PITPNA: variants seen among roughly 807,000 people sequenced by gnomAD.
PITPNA encodes phosphatidylinositol transfer protein alpha, also known as phosphatidylinositol transfer protein alpha isoform.
PITPNA carries 13 observed loss-of-function variants against 50.3 expected under a neutral mutation model. That is an observed-to-expected ratio of 0.26 (90% confidence interval 0.17 to 0.41). The LOEUF is 0.41. PITPNA is among the 10% of genes least tolerant of loss of function. The probability of loss-of-function intolerance (pLI) is 1.00; values close to 1 mark genes in which losing one functional copy is unlikely to be tolerated. For synonymous variants in PITPNA, 120 were observed against 119.6 expected (o/e 1.00, Z -0.02); for missense variants, 207 against 333.4 (o/e 0.62, Z 2.95).
intron 10 of PITPNA, among the ~76,000 whole-genome samples, chr17:1,525,499 G>A (rs1446701718): frequency 6.8e-6 from 1 of 147,554 alleles, no homozygotes; most frequent in African/African-American, 2.5e-5. Context: ...TTCTCCACTG[G>A]GAAACTTTTT....
At chr17:1,560,247 G>A (rs932696880) in intron 1 of PITPNA, among the ~76,000 whole-genome samples, 1 of 152,170 alleles carries the variant, frequency 6.6e-6, no homozygotes, top group Non-Finnish European at 1.5e-5. Context: ...AAACCACTTC[G>A]GCAGCAATAG....
At position 1,517,993 on chromosome 17, in the gene PITPNA, G is replaced by T. The variant is rs1056616584; in HGVS notation, c.*2568C>A. 2 of 152,610 alleles carry T rather than the reference G, an allele frequency of 1.3e-5. No homozygotes were observed. The highest frequency in any genetic ancestry group is 4.8e-5 in the African/African-American group (2 of 41,450). 9.5% of individuals were successfully genotyped at this position (152,610 alleles called of 1,614,324 possible). A position where few individuals can be genotyped will look rare whatever the true frequency, so the allele number is the denominator to read the frequency against. Reference sequence around the variant, plus strand: ...ACCAAACTGGACTCCAGAAAGTTCTGTCTAGGATTTTATTAGACTGCTTTT... The same window carrying T: ...ACCAAACTGGACTCCAGAAAGTTCTTTCTAGGATTTTATTAGACTGCTTTT... On this transcript the variant is annotated 3_prime_UTR_variant, in exon 12 of 12. Coordinates refer to ENST00000313486, the MANE Select transcript of PITPNA (RefSeq NM_006224.4).
At chr17:1,552,956 A>G in intron 3 of PITPNA, 48 bp downstream of exon 3, 2 of 1,573,838 alleles carry the variant, frequency 1.3e-6, no homozygotes, top group Non-Finnish European at 1.7e-6. Flanking sequence ...ACACTCATTC[A>G]CACACACACA....
intron 5 of PITPNA, 56 bp downstream of exon 5, chr17:1,542,957 ACATTTTT>A: frequency 7.6e-7 from 1 of 1,312,226 alleles, no homozygotes; most frequent in Non-Finnish European, 1.1e-6. Flanking sequence ...CAGTGCAGTT[ACATTTTT>A]CTCTCTCCTG....
At chr17:1,547,285 G>A (rs775456803) in intron 4 of PITPNA, among the ~76,000 whole-genome samples, 4 of 151,918 alleles carry the variant, frequency 2.6e-5, no homozygotes, top group Admixed American at 1.3e-4. Context: ...AGGATCACTT[G>A]AGCCTGGGAG....
intron 4 of PITPNA, among the ~76,000 whole-genome samples, chr17:1,545,595 A>AT (rs1158064882): frequency 6.6e-6 from 1 of 152,092 alleles, no homozygotes; most frequent in Non-Finnish European, 1.5e-5. Context: ...TAGAAATTAC[A>AT]TTTTTCCAGT....
rs142592868 is a variant in PITPNA at position 1,543,726 on chromosome 17, G to A, written c.290-699C>T. ...CCAGAACTGAAGTTAAGGTGACCCC[G>A]GAGCACAAAATGAGGCAAAGTTGAA... On this transcript the variant is annotated intron_variant, in intron 4 of 11. Transcript: ENST00000313486. Among the ~76,000 whole-genome samples, 310 of 152,226 alleles carry A rather than the reference G, an allele frequency of 2.0e-3. 1 individual carries two copies. Among genetic ancestry groups the A allele is most frequent in the African/African-American group, 6.9e-3 (286 of 41,538 alleles).
chr17:1,542,940 A>G (rs762251510), intron 5 of PITPNA, 80 bp downstream of exon 5: 1 of 1,094,612 alleles, frequency 9.1e-7, no homozygotes, highest in Admixed American at 2.0e-5. Context: ...AGAACACCCA[A>G]GACCACCAGT....
At chr17:1,540,634 G>C (rs2075643547) in intron 6 of PITPNA, among the ~76,000 whole-genome samples, 1 of 150,068 alleles carries the variant, frequency 6.7e-6, no homozygotes, top group Non-Finnish European at 1.5e-5. Context: ...TGTCACCCAA[G>C]TTGGAGTACA....
At chr17:1,535,567 G>T in intron 7 of PITPNA, 49 bp from the exon 8 acceptor site, 1 of 1,084,366 alleles carries the variant, frequency 9.2e-7, no homozygotes, top group Non-Finnish European at 1.4e-6. Flanking sequence ...GAGAGGGAGT[G>T]AGAGATGGGG....
At chr17:1,533,825 C>A (rs2151005433) in intron 10 of PITPNA, among the ~76,000 whole-genome samples, 1 of 152,282 alleles carries the variant, frequency 6.6e-6, no homozygotes, top group East Asian at 1.9e-4. Flanking sequence ...TGAAGCATCG[C>A]TGTAGCAGCT....
At chr17:1,543,971 T>G (rs539207098) in intron 4 of PITPNA, among the ~76,000 whole-genome samples, 1 of 152,340 alleles carries the variant, frequency 6.6e-6, no homozygotes, top group Non-Finnish European at 1.5e-5. Flanking sequence ...AATTCTCCTG[T>G]GCCGTGGTGG....
intron 3 of PITPNA, among the ~76,000 whole-genome samples, chr17:1,552,064 C>T (rs1184575258): frequency 6.6e-6 from 1 of 152,248 alleles, no homozygotes; most frequent in African/African-American, 2.4e-5. Flanking sequence ...CCTCTGACAC[C>T]ATCAAAGTGA....
intron 5 of PITPNA, among the ~76,000 whole-genome samples, chr17:1,542,338 G>A (rs1052399979): frequency 6.6e-6 from 1 of 152,156 alleles, no homozygotes; most frequent in South Asian, 2.1e-4. Flanking sequence ...CTAACCCATC[G>A]AAGATACTCA....
In PITPNA at chr17:1,534,209, G is replaced by C. The variant is rs1173900722; in HGVS notation, c.658C>G (p.Leu220Val). 6.2e-7 allele frequency: 1 copy of C among 1,613,766 alleles called. No individual in the cohort carries two copies. The highest frequency in any genetic ancestry group is 8.5e-7 in the Non-Finnish European group (1 of 1,179,858). ...ENFIHKQERR[L>V]FTNFHRQLFC... Reference sequence around the variant, plus strand: ...AGCTGCCTGTGGAAGTTTGTAAACAGACGCCTCTCTTGCTATAGAAAGGAG... The same window carrying C: ...AGCTGCCTGTGGAAGTTTGTAAACACACGCCTCTCTTGCTATAGAAAGGAG... The change falls in exon 10 of 12, where the codon CTG becomes GTG. Residue 220 changes from leucine to valine, a missense_variant. Leu to Val is a conservative substitution (Grantham distance 32). Transcript: ENST00000313486.
chr17:1,549,249 A>G (rs2075695194), intron 3 of PITPNA, among the ~76,000 whole-genome samples: 1 of 147,614 alleles, frequency 6.8e-6, no homozygotes, highest in South Asian at 2.1e-4. Context: ...CAACATGTAC[A>G]GTATAAGCCC....
At chr17:1,523,791 G>C (rs112939656) in intron 10 of PITPNA, among the ~76,000 whole-genome samples, 8,026 of 152,142 alleles carry the variant, frequency 0.053, 252 homozygotes, top group Non-Finnish European at 0.075. Flanking sequence ...TTACAGGCGT[G>C]AGCCACTGCA....
At position 1,535,164 on chromosome 17, in the gene PITPNA, C is replaced by T. The variant is rs538283259; in HGVS notation, c.645+18G>A. On this transcript the variant is annotated intron_variant, in intron 9 of 11. Transcript: ENST00000313486. ...ACACACACGCAGTCACTGGGAAGGC[C>T]TCAGCCGAGCTACTTACCTTATGGA... 7 of 1,515,548 alleles carry T rather than the reference C, an allele frequency of 4.6e-6. No homozygotes were observed. Among genetic ancestry groups the T allele is most frequent in the Non-Finnish European group, 6.4e-6 (7 of 1,090,736 alleles). 93.9% of individuals were successfully genotyped at this position (1,515,548 alleles called of 1,614,324 possible). A position where few individuals can be genotyped will look rare whatever the true frequency, so the allele number is the denominator to read the frequency against.
chr17:1,561,782 A>G (rs1302524796), intron 1 of PITPNA, among the ~76,000 whole-genome samples: 3 of 151,816 alleles, frequency 2.0e-5, no homozygotes, highest in African/African-American at 7.3e-5. Flanking sequence ...CTGACTTCCT[A>G]GTCCTCCTCC....
Sources: allele counts gnomAD v4.1 joint callset (sites outside exome capture counted in the v4.1 genomes callset), GRCh38; gene constraint gnomAD v4.1.1; transcripts MANE v1.5; gene names NCBI Gene and HGNC (gene_info 2026-07-23, HGNC 2026-07-21).